The following ZNF385D variants were observed in gnomAD, a reference collection of about 807,000 sequenced individuals.
ZNF385D encodes zinc finger protein 659.
In ZNF385D, 15 loss-of-function variants were observed where a neutral mutation model predicts 35.8. The ratio of observed to expected loss-of-function variants is 0.42; its 90% CI spans 0.28 to 0.64. The LOEUF (loss-of-function observed/expected upper bound fraction) is 0.64, where lower values mean the gene tolerates loss of function less well. Ranked by LOEUF, ZNF385D falls within the 30% of genes least tolerant of loss-of-function variation. ZNF385D has a pLI of 0.23. For missense variants in ZNF385D, 474 were observed against 494.6 expected (o/e 0.96, Z 0.39); for synonymous variants, 212 against 186.8 (o/e 1.13, Z -1.10).
At chr3:21,506,337 G>T (rs765132010) in intron 4 of ZNF385D, among the ~76,000 whole-genome samples, 3 of 152,184 alleles carry the variant, frequency 2.0e-5, no homozygotes, top group Non-Finnish European at 2.9e-5. Context: ...CAGCTGATAT[G>T]TAGTATGAGT....
At chr3:22,271,029 A>C (rs1701149992) in intron 2 of ZNF385D, among the ~76,000 whole-genome samples, 1 of 151,902 alleles carries the variant, frequency 6.6e-6, no homozygotes, top group Non-Finnish European at 1.5e-5. Flanking sequence ...TCTTTACCCA[A>C]TTACCTCCTT....
chr3:22,238,208 C>G (rs575715009), intron 2 of ZNF385D, among the ~76,000 whole-genome samples: 1 of 151,090 alleles, frequency 6.6e-6, no homozygotes, highest in Non-Finnish European at 1.5e-5. Context: ...ATTTCTGTGG[C>G]TTGTAGTAAG....
intron 4 of ZNF385D, among the ~76,000 whole-genome samples, chr3:21,502,092 A>T (rs1018919156): frequency 6.6e-6 from 1 of 152,118 alleles, no homozygotes; most frequent in African/African-American, 2.4e-5. Flanking sequence ...GCAACTGGGG[A>T]ACAGCAAATG....
chr3:22,099,127 C>T (rs1036632371), intron 3 of ZNF385D, among the ~76,000 whole-genome samples: 1 of 152,044 alleles, frequency 6.6e-6, no homozygotes, highest in African/African-American at 2.4e-5. Flanking sequence ...GAACACTAAG[C>T]AGCCAATGAA....
At chr3:22,071,213 T>G (rs1303381394) in intron 3 of ZNF385D, among the ~76,000 whole-genome samples, 2 of 152,162 alleles carry the variant, frequency 1.3e-5, no homozygotes, top group African/African-American at 4.8e-5. Context: ...TTCATAATAT[T>G]TGACATACAA....
intron 2 of ZNF385D, among the ~76,000 whole-genome samples, chr3:22,308,981 T>C (rs1559511417): frequency 6.6e-6 from 1 of 152,110 alleles, no homozygotes; most frequent in African/African-American, 2.4e-5. Context: ...ACCTTGCTTC[T>C]GCAATAAAAT....
At chr3:21,898,995 G>A (rs906576417) in intron 3 of ZNF385D, among the ~76,000 whole-genome samples, 1 of 152,118 alleles carries the variant, frequency 6.6e-6, no homozygotes, top group Admixed American at 6.6e-5. Flanking sequence ...TTAGGAATGA[G>A]ATTATAATAT....
At chr3:21,443,214 T>C in intron 4 of ZNF385D, 3 of 985,356 alleles carry the variant, frequency 3.0e-6, no homozygotes, top group Non-Finnish European at 3.6e-6. Flanking sequence ...AAGTTCTGGC[T>C]TTGGGCACTG....
chr3:21,962,298 A>G (rs1702641333), intron 3 of ZNF385D, among the ~76,000 whole-genome samples: 1 of 152,108 alleles, frequency 6.6e-6, no homozygotes. Flanking sequence ...GTGTGGAAAA[A>G]GAGGGGTAGA....
chr3:22,147,329 C>CATGGGA (rs1300288661), intron 3 of ZNF385D, among the ~76,000 whole-genome samples: 1 of 152,096 alleles, frequency 6.6e-6, no homozygotes, highest in Non-Finnish European at 1.5e-5. Flanking sequence ...CAACGGTAGG[C>CATGGGA]ATGGGAACCA....
chr3:21,668,307 T>C (rs1335765649), intron 1 of ZNF385D, among the ~76,000 whole-genome samples: 5 of 152,144 alleles, frequency 3.3e-5, no homozygotes, highest in African/African-American at 7.2e-5. Flanking sequence ...TTTGCCCCCT[T>C]GCCTCAAAGC....
rs533175114 is a variant in ZNF385D, at chr3:22,304,980, T to C, written c.106+67470A>G. 2.0e-5 allele frequency among the ~76,000 whole-genome samples: 3 copies of C among 152,210 alleles called. No homozygotes were observed. In the South Asian group the frequency reaches 6.2e-4, roughly 32 times the overall value. On this transcript the variant is annotated intron_variant, in intron 2 of 5. Coordinates refer to the ZNF385D transcript ENST00000494108. ...CAGTATTATTTCTATTTTTCTACAG[T>C]GTCAATTTTGCTTTTTATTATATCC...
intron 3 of ZNF385D, among the ~76,000 whole-genome samples, chr3:22,131,686 A>G (rs1703803036): frequency 6.6e-6 from 1 of 152,166 alleles, no homozygotes; most frequent in Admixed American, 6.6e-5. Context: ...GGCAGAGCAT[A>G]TGACTACAGA....
At chr3:22,305,715 G>A (rs1703170463) in intron 2 of ZNF385D, among the ~76,000 whole-genome samples, 1 of 152,130 alleles carries the variant, frequency 6.6e-6, no homozygotes, top group Non-Finnish European at 1.5e-5. Context: ...TAACTTCAAG[G>A]AGCCTAGGAA....
chr3:21,657,882 G>A (rs151100434), intron 2 of ZNF385D, among the ~76,000 whole-genome samples: 50 of 152,014 alleles, frequency 3.3e-4, no homozygotes, highest in African/African-American at 1.1e-3. Flanking sequence ...AGGCATTTCC[G>A]TAGCTGGAGC....
intron 3 of ZNF385D, among the ~76,000 whole-genome samples, chr3:22,087,140 T>A (rs1453291922): frequency 6.6e-6 from 1 of 152,134 alleles, no homozygotes; most frequent in Non-Finnish European, 1.5e-5. Flanking sequence ...AATTATGAGA[T>A]CTTTTTTGAA....
At chr3:21,686,053 A>C (rs999869867) in intron 1 of ZNF385D, among the ~76,000 whole-genome samples, 1 of 152,194 alleles carries the variant, frequency 6.6e-6, no homozygotes, top group Non-Finnish European at 1.5e-5. Context: ...AGGCAAATTG[A>C]AACAGTCTAG....
At chr3:21,965,499 A>G (rs958085951) in intron 3 of ZNF385D, among the ~76,000 whole-genome samples, 1 of 152,038 alleles carries the variant, frequency 6.6e-6, no homozygotes, top group Non-Finnish European at 1.5e-5. Flanking sequence ...CATCCCTCAG[A>G]GTAACTGGCT....
At chr3:22,050,563 A>G (rs2620563) in intron 3 of ZNF385D, among the ~76,000 whole-genome samples, 90,217 of 151,940 alleles carry the variant, frequency 0.59, 26,892 homozygotes, top group East Asian at 0.76. Context: ...TCATGATTCA[A>G]TTTTGGTAGA....
Sources: gnomAD v4.1 joint callset for allele counts (sites outside exome capture counted in the v4.1 genomes callset) on GRCh38, gnomAD v4.1.1 for gene constraint, MANE v1.5 for transcripts, NCBI Gene and HGNC (gene_info 2026-07-23, HGNC 2026-07-21) for gene names.